The following LHX4 variants were observed in gnomAD, a reference collection of about 807,000 sequenced individuals.
The protein encoded by LHX4 is LIM/homeobox protein Lhx4.
Under a neutral mutation model 39.2 loss-of-function variants are expected in LHX4, and 16 were observed. The observed-to-expected ratio is 0.41, with a 90% CI of 0.28 to 0.62. LHX4 has a LOEUF of 0.62. Ranked by LOEUF, LHX4 falls within the 20% of genes least tolerant of loss-of-function variation. LHX4 has a pLI of 0.33. For missense variants in LHX4, 439 were observed against 511.9 expected, an observed-to-expected ratio of 0.86 and a Z score of 1.37; for synonymous variants, 206 against 198.1, an observed-to-expected ratio of 1.04 and a Z score of -0.33.
chr1:180,258,340 G>C (rs917239593), intron 2 of LHX4, among the ~76,000 whole-genome samples: 1 of 152,222 alleles, frequency 6.6e-6, no homozygotes, highest in Admixed American at 6.5e-5. Flanking sequence ...AGGAGGAGGC[G>C]GAGTGGACTG....
Position 180,260,850 on chromosome 1 carries a change from T to C in LHX4, c.249-5542T>C, listed in dbSNP as rs570579523. On this transcript the variant is annotated intron_variant, in intron 2 of 5. Transcript: ENST00000263726. ...TGAAGCCCGCCGCATGTCCGCTGTGTTGTGTCAGAAGCACCGACTGCAAAC... is the reference window on the plus strand; with the variant it reads ...TGAAGCCCGCCGCATGTCCGCTGTGCTGTGTCAGAAGCACCGACTGCAAAC... Among the ~76,000 whole-genome samples, 7 of 151,862 alleles carry C rather than the reference T, an allele frequency of 4.6e-5. No homozygotes were observed. In the East Asian group the frequency reaches 9.7e-4, roughly 21 times the overall value.
At chr1:180,263,782 C>T (rs1648204453) in intron 2 of LHX4, among the ~76,000 whole-genome samples, 1 of 152,184 alleles carries the variant, frequency 6.6e-6, no homozygotes, top group Admixed American at 6.5e-5. Flanking sequence ...TGAAAGCCCC[C>T]TGCCTGCTTT....
Position 180,248,331 on chromosome 1 carries a change from C to T in LHX4, c.123C>T (p.Phe41=), listed in dbSNP as rs577657094. 43 of 1,614,218 alleles carry T rather than the reference C, an allele frequency of 2.7e-5. No individual in the cohort carries two copies. Among genetic ancestry groups the T allele is most frequent in the Admixed American group, 5.0e-5 (3 of 60,038 alleles). ...GCAACCAGCACATCCTGGACAAGTT[C>T]ATCCTGAAGGTCCTGGACAGACACT... ...AGCNQHILDK[F]ILKVLDRHWH... is the part of the protein sequence containing the mutation. Residue 41 remains phenylalanine, a synonymous_variant, in exon 2 of 6, where the codon TTC becomes TTT. Coordinates refer to ENST00000263726, the MANE Select transcript of LHX4 (RefSeq NM_033343.4).
Position 180,277,468 on chromosome 1 carries a change from A to G in LHX4, c.*2889A>G, listed in dbSNP as rs1649102888. ...CTGGCTGGTCGACTTTAGAGTAGGAAGCTCTTGAATCCAGGAGCAAATTAG... is the reference window on the plus strand; with the variant it reads ...CTGGCTGGTCGACTTTAGAGTAGGAGGCTCTTGAATCCAGGAGCAAATTAG... On this transcript the variant is annotated 3_prime_UTR_variant, in exon 6 of 6. Transcript: ENST00000263726. The G allele has an allele frequency of 6.6e-6, 1 of 152,216 alleles. No homozygotes were observed. The highest frequency in any genetic ancestry group is 1.5e-5 in the Non-Finnish European group (1 of 68,038). The allele number at this position is 152,216 out of a possible 1,614,324, so 9.4% of individuals were successfully genotyped here.
rs146759551 is a variant in LHX4, at chr1:180,249,001, A to G, written c.248+545A>G. Among the ~76,000 whole-genome samples the G allele has an allele frequency of 2.9e-3, 449 of 152,322 alleles. 1 individual carries two copies. Among genetic ancestry groups the G allele is most frequent in the African/African-American group, 0.011 (444 of 41,574 alleles). ...CAATGTCGTCACTTTATATGGAAAC[A>G]TGACTAAGAAAGAGGCAGTTTCATG... On this transcript the variant is annotated intron_variant, in intron 2 of 5. Coordinates refer to ENST00000263726, the MANE Select transcript of LHX4 (RefSeq NM_033343.4).
At position 180,275,597 on chromosome 1, in the gene LHX4, T is replaced by C. The variant is rs889059857; in HGVS notation, c.*1018T>C. Reference sequence around the variant, plus strand: ...GTTGGTTTAGATGAGCTTGCAAGTCTACCCCTCTGAAAGCTTTCTCTGCTG... The same window carrying C: ...GTTGGTTTAGATGAGCTTGCAAGTCCACCCCTCTGAAAGCTTTCTCTGCTG... On this transcript the variant is annotated 3_prime_UTR_variant, in exon 6 of 6. Coordinates refer to ENST00000263726, the MANE Select transcript of LHX4 (RefSeq NM_033343.4). 9 of 152,222 alleles carry C rather than the reference T, an allele frequency of 5.9e-5. No homozygotes were observed. Among genetic ancestry groups the C allele is most frequent in the African/African-American group, 2.2e-4 (9 of 41,464 alleles). 9.4% of individuals were successfully genotyped at this position (152,222 alleles called of 1,614,324 possible).
chr1:180,234,105 G>T lies in LHX4; in HGVS notation c.76+3500G>T, dbSNP rs1664246480. Among the ~76,000 whole-genome samples, 1 of 141,076 alleles carries T rather than the reference G, an allele frequency of 7.1e-6. No individual in the cohort carries two copies. Among genetic ancestry groups the T allele is most frequent in the Non-Finnish European group, 1.5e-5 (1 of 65,644 alleles). The allele number at this position is 141,076 out of a possible 152,430, so 92.6% of individuals were successfully genotyped here. A position where few individuals can be genotyped will look rare whatever the true frequency, so the allele number is the denominator to read the frequency against. The stretch of plus-strand genomic sequence containing the variant: ...GTTCACTCAAACGCTGGTGCTGTTC[G>T]CTCTTCTTTCCATTCCTGCCTTGTC... On this transcript the variant is annotated intron_variant, in intron 1 of 5. Coordinates refer to ENST00000263726, the MANE Select transcript of LHX4 (RefSeq NM_033343.4). The surrounding 1 kb of genome is among the most constrained non-coding windows in gnomAD (Gnocchi z 4.8).
At chr1:180,260,462 G>A (rs1311768624) in intron 2 of LHX4, among the ~76,000 whole-genome samples, 1 of 151,686 alleles carries the variant, frequency 6.6e-6, no homozygotes, top group African/African-American at 2.4e-5. Context: ...CCAGGTGGTC[G>A]GGAGCAGCAG....
intron 2 of LHX4, among the ~76,000 whole-genome samples, chr1:180,260,835 C>T (rs986513594): frequency 6.6e-5 from 10 of 151,766 alleles, no homozygotes; most frequent in Admixed American, 2.6e-4. Context: ...TGAAGCCCGC[C>T]GCATGTCCGC....
At chr1:180,249,043 G>A (rs1030661383) in intron 2 of LHX4, among the ~76,000 whole-genome samples, 7 of 152,200 alleles carry the variant, frequency 4.6e-5, no homozygotes, top group Non-Finnish European at 2.9e-5. Context: ...TTGAGTCCAG[G>A]CTCTGCCTGT....
At chr1:180,257,428 G>T (rs537356567) in intron 2 of LHX4, among the ~76,000 whole-genome samples, 8 of 152,334 alleles carry the variant, frequency 5.3e-5, no homozygotes, top group African/African-American at 1.4e-4. Flanking sequence ...TGACATGGGG[G>T]CTGTGTCCCC....
intron 2 of LHX4, among the ~76,000 whole-genome samples, chr1:180,263,745 G>T (rs1019779473): frequency 5.9e-5 from 9 of 152,146 alleles, no homozygotes; most frequent in Non-Finnish European, 1.0e-4. Context: ...TCTCTGGTGT[G>T]CTGGTGTCAG....
chr1:180,238,855 C>A (rs1471568792), intron 1 of LHX4, among the ~76,000 whole-genome samples: 1 of 152,096 alleles, frequency 6.6e-6, no homozygotes, highest in Non-Finnish European at 1.5e-5. Flanking sequence ...CGGCACACAC[C>A]AGATTTGTCA....
intron 3 of LHX4, chr1:180,269,765 A>G (rs1648524361): frequency 6.6e-6 from 1 of 152,218 alleles, no homozygotes; most frequent in Non-Finnish European, 1.5e-5. Flanking sequence ...TAGACTATAA[A>G]TATGCACAGA....
At chr1:180,256,550 C>T (rs1469504879) in intron 2 of LHX4, among the ~76,000 whole-genome samples, 5 of 152,162 alleles carry the variant, frequency 3.3e-5, no homozygotes, top group South Asian at 2.1e-4. Context: ...GAGAATGAGG[C>T]CCTCAGTCTT....
rs191463434 is a variant in LHX4, at chr1:180,251,205, C to T, written c.248+2749C>T. On this transcript the variant is annotated intron_variant, in intron 2 of 5. Coordinates refer to ENST00000263726, the MANE Select transcript of LHX4 (RefSeq NM_033343.4). ...GCACTGGCGCATCAGAGCCTCCTGC[C>T]GGCGCTCCCTTCCAGTCCTAGCCCG... Among the ~76,000 whole-genome samples the T allele has an allele frequency of 2.0e-4, 31 of 152,324 alleles. No individual in the cohort carries two copies. The East Asian group carries it at 5.0e-3, about 25-fold the overall frequency.
rs561671027 is a variant in LHX4 at position 180,256,624 on chromosome 1, T to C, written c.248+8168T>C. Among the ~76,000 whole-genome samples the C allele has an allele frequency of 3.9e-5, 6 of 152,288 alleles. No homozygotes were observed. In the East Asian group the frequency reaches 1.2e-3, roughly 29 times the overall value. ...CAGATGCCCAGGTGGGCTAAGAGCA[T>C]AGGTGACAGGATTTCTGTAGGAGTG... On this transcript the variant is annotated intron_variant, in intron 2 of 5. Coordinates refer to ENST00000263726, the MANE Select transcript of LHX4 (RefSeq NM_033343.4).
chr1:180,251,522 A>G (rs918655066), intron 2 of LHX4, among the ~76,000 whole-genome samples: 2 of 152,098 alleles, frequency 1.3e-5, no homozygotes, highest in African/African-American at 4.8e-5. Context: ...TGGCTTGAGG[A>G]AAAGGCCTAT....
chr1:180,236,297 C>T (rs919738145), intron 1 of LHX4, among the ~76,000 whole-genome samples: 3 of 152,192 alleles, frequency 2.0e-5, no homozygotes, highest in Non-Finnish European at 4.4e-5. Context: ...GTATTTTGAA[C>T]AGTGACCCGA....
Sources: gnomAD v4.1 joint callset for allele counts (sites outside exome capture counted in the v4.1 genomes callset) on GRCh38, gnomAD v4.1.1 for gene constraint, Gnocchi (gnomAD v3.1) non-coding constraint, MANE v1.5 for transcripts, NCBI Gene and HGNC (gene_info 2026-07-23, HGNC 2026-07-21) for gene names.